The following ITPR1 variants were observed in gnomAD, a reference collection of about 807,000 sequenced individuals.
The protein encoded by ITPR1 is inositol 1,4,5-trisphosphate receptor type 1.
In ITPR1, 96 loss-of-function variants were observed where a neutral mutation model predicts 318.4. The ratio of observed to expected loss-of-function variants is 0.30; its 90% CI spans 0.26 to 0.36. The LOEUF (loss-of-function observed/expected upper bound fraction) is 0.36. Among genes scored for constraint, ITPR1 ranks in the 10% least tolerant of loss-of-function variants. The pLI is 1.00. For synonymous variants in ITPR1, 1,312 were observed against 1,289.9 expected (o/e 1.02, Z -0.37); for missense variants, 2,440 against 3,460.2 (o/e 0.71, Z 7.40).
intron 10 of ITPR1, among the ~76,000 whole-genome samples, chr3:4,648,743 G>A (rs1277719897): frequency 6.6e-6 from 1 of 152,188 alleles, no homozygotes; most frequent in Non-Finnish European, 1.5e-5. Flanking sequence ...CCGGGAGGCG[G>A]AGGTTGCAGT....
chr3:4,636,551 C>T (rs1233240038), intron 5 of ITPR1, among the ~76,000 whole-genome samples: 2 of 152,190 alleles, frequency 1.3e-5, no homozygotes, highest in East Asian at 3.9e-4. Flanking sequence ...GCCTCAGCCT[C>T]CCAAGTAGCT....
At chr3:4,832,937 C>G (rs1338780945) in intron 60 of ITPR1, among the ~76,000 whole-genome samples, 2 of 152,202 alleles carry the variant, frequency 1.3e-5, no homozygotes, top group Non-Finnish European at 1.5e-5. Flanking sequence ...TCAGCACACA[C>G]TCTTTAGACA....
intron 4 of ITPR1, among the ~76,000 whole-genome samples, chr3:4,557,893 C>G (rs2086290402): frequency 6.6e-6 from 1 of 152,136 alleles, no homozygotes; most frequent in Non-Finnish European, 1.5e-5. Flanking sequence ...TATAAATTCA[C>G]TGGTATTCAT....
At chr3:4,764,759 G>C (rs2045696042) in intron 44 of ITPR1, among the ~76,000 whole-genome samples, 1 of 152,138 alleles carries the variant, frequency 6.6e-6, no homozygotes, top group South Asian at 2.1e-4. Flanking sequence ...CAGCCTCCTG[G>C]GTCACTTTTG....
At chr3:4,580,044 A>G (rs1281579535) in intron 4 of ITPR1, among the ~76,000 whole-genome samples, 1 of 152,104 alleles carries the variant, frequency 6.6e-6, no homozygotes, top group Admixed American at 6.6e-5. Flanking sequence ...CCCTGTCTCT[A>G]CTAAAAATAC....
At chr3:4,598,792 A>C (rs1575661105) in intron 4 of ITPR1, among the ~76,000 whole-genome samples, 1 of 152,196 alleles carries the variant, frequency 6.6e-6, no homozygotes, top group East Asian at 1.9e-4. Context: ...TTTGGGCTCT[A>C]AATCAGAGTG....
At chr3:4,819,996 T>G (rs557246568) in intron 60 of ITPR1, among the ~76,000 whole-genome samples, 1 of 152,276 alleles carries the variant, frequency 6.6e-6, no homozygotes, top group South Asian at 2.1e-4. Flanking sequence ...TCCATAATCA[T>G]GTCGTTGATA....
chr3:4,767,392 C>G (rs1006849884), intron 45 of ITPR1, among the ~76,000 whole-genome samples: 1 of 152,196 alleles, frequency 6.6e-6, no homozygotes, highest in African/African-American at 2.4e-5. Flanking sequence ...GTCCCCTGGG[C>G]GGGGTTGGGG....
intron 53 of ITPR1, among the ~76,000 whole-genome samples, chr3:4,798,005 A>C (rs1020111303): frequency 6.6e-6 from 1 of 152,222 alleles, no homozygotes; most frequent in Non-Finnish European, 1.5e-5. Context: ...ATTTTTTGGA[A>C]TCTAGCACTA....
chr3:4,734,136 G>T (rs1482707815), intron 43 of ITPR1, among the ~76,000 whole-genome samples: 1 of 152,220 alleles, frequency 6.6e-6, no homozygotes, highest in Non-Finnish European at 1.5e-5. Context: ...AGCTATGCTG[G>T]CTTCAGTGAA....
chr3:4,782,494 G>C, intron 49 of ITPR1, 125 bp from the exon 50 acceptor site: 1 of 948,026 alleles, frequency 1.1e-6, no homozygotes, highest in Non-Finnish European at 1.5e-6. Context: ...GTCCAAGCCC[G>C]ATAGGAGAGA....
chr3:4,641,716 C>T (rs1233329214), intron 6 of ITPR1, among the ~76,000 whole-genome samples: 1 of 152,176 alleles, frequency 6.6e-6, no homozygotes, highest in Non-Finnish European at 1.5e-5. Flanking sequence ...TCAGAGTGGC[C>T]TTCCTCAGCT....
In ITPR1 at chr3:4,841,642, T is replaced by C. The variant is rs1218973827; in HGVS notation, c.8191-4497T>C. The stretch of plus-strand genomic sequence containing the variant: ...AGTGTGTAACCGAGCTGTGAACACA[T>C]TGCTCTGGGAATGGAGAAAAGGGAG... On this transcript the variant is annotated intron_variant, in intron 61 of 61. Transcript: ENST00000649015. 2.6e-5 allele frequency among the ~76,000 whole-genome samples: 4 copies of C among 152,202 alleles called. No homozygotes were observed. The East Asian group carries it at 5.8e-4, about 22-fold the overall frequency.
chr3:4,531,232 A>G (rs960387538), intron 4 of ITPR1, among the ~76,000 whole-genome samples: 9 of 152,306 alleles, frequency 5.9e-5, no homozygotes, highest in South Asian at 2.1e-4. Flanking sequence ...CTGATGTCCT[A>G]GGTTCCACAT....
At chr3:4,603,380 C>T (rs1210014231) in intron 4 of ITPR1, among the ~76,000 whole-genome samples, 1 of 151,982 alleles carries the variant, frequency 6.6e-6, no homozygotes, top group Non-Finnish European at 1.5e-5. Context: ...TCAGCCCTCA[C>T]TCCCTGGTCC....
intron 52 of ITPR1, 28 bp downstream of exon 52, chr3:4,788,167 C>T (rs1559897430): frequency 6.5e-7 from 1 of 1,545,698 alleles, no homozygotes; most frequent in Admixed American, 1.9e-5. Flanking sequence ...AGCAACAACA[C>T]AGAGAGACAC....
At chr3:4,670,397 G>C (rs771950705) in intron 19 of ITPR1, among the ~76,000 whole-genome samples, 1 of 152,168 alleles carries the variant, frequency 6.6e-6, no homozygotes, top group Non-Finnish European at 1.5e-5. Context: ...GTAATTCTTT[G>C]TTGTGGGGCT....
intron 30 of ITPR1, among the ~76,000 whole-genome samples, chr3:4,687,140 G>T (rs1574860505): frequency 6.6e-6 from 1 of 152,206 alleles, no homozygotes; most frequent in East Asian, 1.9e-4. Context: ...GTTTTGAACA[G>T]CATATCAGCT....
chr3:4,612,152 C>T (rs2092162547), intron 4 of ITPR1, among the ~76,000 whole-genome samples: 1 of 137,986 alleles, frequency 7.2e-6, no homozygotes, highest in African/African-American at 2.7e-5. Context: ...AGCTCTGTCT[C>T]TTGTGTTCAA....
Sources: allele counts gnomAD v4.1 joint callset (sites outside exome capture counted in the v4.1 genomes callset), GRCh38; gene constraint gnomAD v4.1.1; transcripts MANE v1.5; gene names NCBI Gene and HGNC (gene_info 2026-07-23, HGNC 2026-07-21).